Variants in ACSL3 observed in about 807,000 individuals in gnomAD.
ACSL3 encodes the protein fatty acid CoA ligase Acsl3.
ACSL3 carries 34 observed loss-of-function variants against 84.7 expected under a neutral mutation model. The ratio of observed to expected loss-of-function variants is 0.40; its 90% CI spans 0.31 to 0.53. The LOEUF is 0.53. Ranked by LOEUF, ACSL3 falls within the 20% of genes least tolerant of loss-of-function variation. ACSL3 has a pLI of 0.48. For missense variants in ACSL3, 680 were observed against 873.1 expected (o/e 0.78, Z 2.79); for synonymous variants, 315 against 299.4 (o/e 1.05, Z -0.54).
rs780883445 is a variant in ACSL3, at chr2:222,930,603, C to T, written c.1541-18C>T. On this transcript the variant is annotated intron_variant, in intron 13 of 16. Transcript: ENST00000357430. The stretch of plus-strand genomic sequence containing the variant: ...GTTGTATTTAACTCAACTATTAACT[C>T]AATTATTATTTTATTAGGTGGATAC... 2.7e-5 allele frequency: 42 copies of T among 1,555,526 alleles called. No individual in the cohort carries two copies. Among genetic ancestry groups the T allele is most frequent in the Non-Finnish European group, 3.3e-5 (38 of 1,149,594 alleles).
At chr2:222,890,249 G>C (rs761096055) in intron 2 of ACSL3, among the ~76,000 whole-genome samples, 19 of 152,086 alleles carry the variant, frequency 1.2e-4, no homozygotes, top group South Asian at 4.1e-4. Context: ...CTGGGCTTTT[G>C]GGGGTGGGAA....
chr2:222,883,463 G>A lies in ACSL3; in HGVS notation c.-206-4367G>A, dbSNP rs926510151. On this transcript the variant is annotated intron_variant, in intron 1 of 16. Coordinates refer to ENST00000357430, the MANE Select transcript of ACSL3 (RefSeq NM_004457.5). The stretch of plus-strand genomic sequence containing the variant: ...CTCCCAAAGTGCTGAGATTACAGGC[G>A]TGAGCCACCATGCCCAGCCAGCCTT... Among the ~76,000 whole-genome samples, 9 of 152,058 alleles carry A rather than the reference G, an allele frequency of 5.9e-5. 1 individual carries two copies. Among genetic ancestry groups the A allele is most frequent in the African/African-American group, 4.8e-5 (2 of 41,406 alleles).
At chr2:222,886,926 G>A (rs981552959) in intron 1 of ACSL3, among the ~76,000 whole-genome samples, 4 of 151,958 alleles carry the variant, frequency 2.6e-5, no homozygotes, top group African/African-American at 4.8e-5. Context: ...TTGACACATC[G>A]TTATCACCCA....
intron 5 of ACSL3, 63 bp from the exon 6 acceptor site, chr2:222,917,983 C>A: frequency 3.3e-6 from 4 of 1,206,998 alleles, no homozygotes; most frequent in Admixed American, 1.8e-5. Flanking sequence ...TCTCCACATT[C>A]AGAGACTTTA....
chr2:222,919,719 A>T (rs965972739), intron 7 of ACSL3, among the ~76,000 whole-genome samples: 4 of 152,214 alleles, frequency 2.6e-5, no homozygotes, highest in African/African-American at 9.6e-5. Flanking sequence ...GTGTTTAGAG[A>T]TACTGCAAAA....
At chr2:222,940,900 A>AT (rs113046012) in intron 16 of ACSL3, among the ~76,000 whole-genome samples, 2,521 of 146,040 alleles carry the variant, frequency 0.017, 32 homozygotes, top group Middle Eastern at 0.052. Context: ...TCTAAATGTA[A>AT]TTTTTTTTTT....
intron 7 of ACSL3, among the ~76,000 whole-genome samples, chr2:222,920,176 C>T (rs1254067715): frequency 6.6e-6 from 1 of 151,924 alleles, no homozygotes; most frequent in Non-Finnish European, 1.5e-5. Flanking sequence ...GGGTGCTGTG[C>T]ATTGAAGGAG....
At chr2:222,872,285 C>T (rs567951011) in intron 1 of ACSL3, among the ~76,000 whole-genome samples, 15 of 152,044 alleles carry the variant, frequency 9.9e-5, no homozygotes, top group African/African-American at 2.9e-4. Context: ...CCACCACGCC[C>T]GGCTAATTTT....
chr2:222,918,083 T>C lies in ACSL3; in HGVS notation c.594T>C (p.Ile198=). 6.2e-7 allele frequency: 1 copy of C among 1,612,638 alleles called. No individual in the cohort carries two copies. The highest frequency in any genetic ancestry group is 8.5e-7 in the Non-Finnish European group (1 of 1,179,206). Residue 198 remains isoleucine (I), a synonymous_variant, in exon 6 of 17, where the codon ATT becomes ATC. Coordinates refer to ENST00000357430, the MANE Select transcript of ACSL3 (RefSeq NM_004457.5). ...ATGCCACTCTAGGAGGTCCAGCCAT[T>C]GTTCATGCATTAAATGAAACAGAGG... ...TLYATLGGPA[I]VHALNETEVT...
chr2:222,885,005 T>C (rs184863883), intron 1 of ACSL3, among the ~76,000 whole-genome samples: 51 of 152,348 alleles, frequency 3.3e-4, no homozygotes, highest in African/African-American at 1.1e-3. Flanking sequence ...GTTAAAGTGA[T>C]TTGTCAGGCT....
At position 222,901,812 on chromosome 2, in the gene ACSL3, G is replaced by T. The variant is rs564450533; in HGVS notation, c.-41+1032G>T. 2.7e-3 allele frequency among the ~76,000 whole-genome samples: 407 copies of T among 151,972 alleles called. 1 individual carries two copies. The highest frequency in any genetic ancestry group is 3.6e-3 in the Non-Finnish European group (242 of 67,976). ...ATACAAAAATTAGCTGGGCGTGATT[G>T]AGCACGCCTGTAGTCTCAGCTACTC... On this transcript the variant is annotated intron_variant, in intron 3 of 16. Coordinates refer to ENST00000357430, the MANE Select transcript of ACSL3 (RefSeq NM_004457.5).
rs1409490056 is a variant in ACSL3, at chr2:222,874,286, A to G, written c.-207+13028A>G. Among the ~76,000 whole-genome samples the G allele has an allele frequency of 2.6e-5, 4 of 152,214 alleles. No homozygotes were observed. In the East Asian group the frequency reaches 5.8e-4, roughly 22 times the overall value. Reference sequence around the variant, plus strand: ...GTGATCCGTCTGCCTCGGTCTCCCAAGGTGCTGGGATTACAGGCGTGGGCC... The same window carrying G: ...GTGATCCGTCTGCCTCGGTCTCCCAGGGTGCTGGGATTACAGGCGTGGGCC... On this transcript the variant is annotated intron_variant, in intron 1 of 16. Coordinates refer to ENST00000357430, the MANE Select transcript of ACSL3 (RefSeq NM_004457.5).
chr2:222,937,229 G>C (rs1305684515), intron 16 of ACSL3, among the ~76,000 whole-genome samples: 1 of 59,858 alleles, frequency 1.7e-5, no homozygotes, highest in Non-Finnish European at 3.9e-5. Flanking sequence ...TTTCAGAACA[G>C]TTATTGTTAG....
intron 1 of ACSL3, among the ~76,000 whole-genome samples, chr2:222,863,123 A>C (rs1257541081): frequency 6.6e-6 from 1 of 152,194 alleles, no homozygotes; most frequent in African/African-American, 2.4e-5. Flanking sequence ...AGGTGCTGGG[A>C]ATACAGCTGT....
intron 14 of ACSL3, among the ~76,000 whole-genome samples, chr2:222,931,720 T>C (rs1399389544): frequency 6.6e-6 from 1 of 152,172 alleles, no homozygotes; most frequent in Non-Finnish European, 1.5e-5. Flanking sequence ...GCCACAACCA[T>C]TTAATGTCTC....
At chr2:222,931,714 C>T (rs1459034636) in intron 14 of ACSL3, among the ~76,000 whole-genome samples, 3 of 152,186 alleles carry the variant, frequency 2.0e-5, no homozygotes, top group Non-Finnish European at 4.4e-5. Context: ...TTACTGGCCA[C>T]AACCATTTAA....
chr2:222,922,626 C>T, intron 8 of ACSL3, 82 bp from the exon 9 acceptor site: 4 of 1,570,530 alleles, frequency 2.5e-6, no homozygotes, highest in South Asian at 2.3e-5. Flanking sequence ...TTCCATGTGC[C>T]TTCAAGCTTG....
intron 3 of ACSL3, among the ~76,000 whole-genome samples, chr2:222,901,043 C>A (rs1696132843): frequency 6.6e-6 from 1 of 152,106 alleles, no homozygotes; most frequent in East Asian, 1.9e-4. Context: ...TCTAAAGCTC[C>A]ATCCCTACTC....
chr2:222,921,098 A>ATATC, intron 7 of ACSL3, 182 bp from the exon 8 acceptor site: 1 of 720,292 alleles, frequency 1.4e-6, no homozygotes, highest in Non-Finnish European at 2.5e-6. Context: ...TCAATAGAAT[A>ATATC]TATCTCCCAT....
Sources: allele counts gnomAD v4.1 joint callset (sites outside exome capture counted in the v4.1 genomes callset), GRCh38; gene constraint gnomAD v4.1.1; transcripts MANE v1.5; gene names NCBI Gene and HGNC (gene_info 2026-07-23, HGNC 2026-07-21).